Variants in GABRA1 observed in about 807,000 individuals in gnomAD.
GABRA1 encodes the protein gamma-aminobutyric acid type A receptor subunit alpha1, also known as gamma-aminobutyric acid receptor subunit alpha-1.
GABRA1 carries 9 observed loss-of-function variants against 48.9 expected under a neutral mutation model. The observed-to-expected ratio is 0.18, with a 90% confidence interval of 0.11 to 0.32. The LOEUF (loss-of-function observed/expected upper bound fraction) is 0.32. Among genes scored for constraint, GABRA1 ranks in the 10% least tolerant of loss-of-function variants. The pLI is 1.00. For missense variants in GABRA1, 285 were observed against 553.8 expected, an observed-to-expected ratio of 0.51 and a Z score of 4.87; for synonymous variants, 210 against 198.7, an observed-to-expected ratio of 1.06 and a Z score of -0.48.
chr5:161,854,461 C>T (rs1757570567), intron 3 of GABRA1, among the ~76,000 whole-genome samples, 191 bp downstream of exon 3: 1 of 151,668 alleles, frequency 6.6e-6, no homozygotes, highest in African/African-American at 2.4e-5. Context: ...TAGTAAAAGG[C>T]AGACACAAAC....
chr5:161,847,325 A>G (rs1212576718), upstream of GABRA1: 1 of 152,186 alleles, frequency 6.6e-6, no homozygotes, highest in Non-Finnish European at 1.5e-5. Flanking sequence ...GATTCCGGAA[A>G]TGGAGATATG....
intron 6 of GABRA1, among the ~76,000 whole-genome samples, chr5:161,878,108 C>A (rs1175626368): frequency 6.6e-6 from 1 of 152,168 alleles, no homozygotes; most frequent in Admixed American, 6.5e-5. Context: ...AGCACAAAGG[C>A]AAATACACTG....
intron 6 of GABRA1, chr5:161,882,347 A>G: frequency 1.7e-6 from 1 of 584,918 alleles, no homozygotes; most frequent in Non-Finnish European, 3.0e-6. Flanking sequence ...AGATCCTTAT[A>G]ACCATTTGTT....
At chr5:161,855,222 C>A (rs1196726413) in intron 3 of GABRA1, among the ~76,000 whole-genome samples, 1 of 151,458 alleles carries the variant, frequency 6.6e-6, no homozygotes, top group African/African-American at 2.4e-5. Context: ...CACAGATAAG[C>A]AAAGAATAAA....
At chr5:161,866,544 T>G (rs1289024620) in intron 4 of GABRA1, among the ~76,000 whole-genome samples, 1 of 152,126 alleles carries the variant, frequency 6.6e-6, no homozygotes, top group Non-Finnish European at 1.5e-5. Flanking sequence ...ATTTTTGAAA[T>G]GCCTCATGTT....
intron 2 of GABRA1, among the ~76,000 whole-genome samples, chr5:161,852,696 G>A (rs1345607390): frequency 6.6e-6 from 1 of 151,848 alleles, no homozygotes; most frequent in East Asian, 1.9e-4. Flanking sequence ...CCCTCAATCT[G>A]CATGGCATCA....
At chr5:161,855,466 A>C (rs1314576632) in intron 3 of GABRA1, among the ~76,000 whole-genome samples, 1 of 151,510 alleles carries the variant, frequency 6.6e-6, no homozygotes, top group Non-Finnish European at 1.5e-5. Flanking sequence ...AATTTCAAAC[A>C]TTCATTTTAG....
intron 8 of GABRA1, among the ~76,000 whole-genome samples, chr5:161,895,016 T>G (rs1293979679): frequency 6.6e-6 from 1 of 150,604 alleles, no homozygotes; most frequent in Non-Finnish European, 1.5e-5. Context: ...AAATGTATTA[T>G]TATATATATG....
chr5:161,897,180 C>G lies in GABRA1; in HGVS notation c.1129C>G (p.Pro377Ala). Residue 377 changes from proline (P) to alanine (A), a missense_variant, in exon 10 of 10, where the codon CCT becomes GCT. Pro to Ala is a conservative substitution (Grantham distance 27). Transcript: ENST00000393943. ...TYAPTATSYT[P>A]NLARGDPGLA... ...CGCTCCAACAGCAACCAGCTACACC[C>G]CTAATTTGGCCAGGGGCGACCCGGG... 2 of 1,614,070 alleles carry G rather than the reference C, an allele frequency of 1.2e-6. No individual in the cohort carries two copies. The highest frequency in any genetic ancestry group is 1.7e-6 in the Non-Finnish European group (2 of 1,179,998).
rs1342701816 is a variant in GABRA1, at chr5:161,897,991, A to G, written c.*569A>G. 6.8e-6 allele frequency: 1 copy of G among 147,924 alleles called. No individual in the cohort carries two copies. Among genetic ancestry groups the G allele is most frequent in the East Asian group, 1.9e-4 (1 of 5,144 alleles). The allele number at this position is 147,924 out of a possible 1,614,324, so 9.2% of individuals were successfully genotyped here. A position where few individuals can be genotyped will look rare whatever the true frequency, so the allele number is the denominator to read the frequency against. ...GAAGATCCCCATTCTTTCTCTTTGA[A>G]AAAAAAAAAGGCCTAATGCATTATT... On this transcript the variant is annotated 3_prime_UTR_variant, in exon 10 of 10. Transcript: ENST00000393943.
At chr5:161,889,409 G>A (rs962062740) in intron 7 of GABRA1, among the ~76,000 whole-genome samples, 5 of 151,872 alleles carry the variant, frequency 3.3e-5, no homozygotes, top group African/African-American at 4.8e-5. Context: ...AAAGCTACAC[G>A]GCAAGAAAAT....
At chr5:161,894,780 C>G (rs568583674) in intron 8 of GABRA1, among the ~76,000 whole-genome samples, 13 of 152,206 alleles carry the variant, frequency 8.5e-5, no homozygotes. Context: ...AGGGTATCAT[C>G]TTTCTCATAC....
chr5:161,851,965 G>A (rs1757462332), intron 2 of GABRA1, among the ~76,000 whole-genome samples: 1 of 152,060 alleles, frequency 6.6e-6, no homozygotes, highest in Non-Finnish European at 1.5e-5. Context: ...TAATGTAACT[G>A]GCATTTCTCT....
intron 8 of GABRA1, 68 bp from the exon 9 acceptor site, chr5:161,895,598 G>T: frequency 2.2e-6 from 3 of 1,351,138 alleles, no homozygotes; most frequent in Non-Finnish European, 3.1e-6. Flanking sequence ...GTTCAAGTAG[G>T]CTGTCCCATC....
chr5:161,890,767 T>G (rs1050070642), intron 7 of GABRA1, 131 bp from the exon 8 acceptor site: 1 of 829,244 alleles, frequency 1.2e-6, no homozygotes, highest in Non-Finnish European at 2.0e-6. Context: ...AACTTTTCCC[T>G]CCAAGAACTG....
In GABRA1 at chr5:161,895,595, T is replaced by C; in HGVS notation, c.857-71T>C. ...TACTGTTGATTTCCTTTTGTTCAAG[T>C]AGGCTGTCCCATCATGATGAAATTT... On this transcript the variant is annotated intron_variant, in intron 8 of 9. Transcript: ENST00000393943. The C allele has an allele frequency of 3.0e-6, 4 of 1,334,242 alleles. No individual in the cohort carries two copies. In the South Asian group the frequency reaches 4.8e-5, roughly 16 times the overall value. 82.7% of individuals were successfully genotyped at this position (1,334,242 alleles called of 1,614,324 possible).
rs1414103631 is a variant in GABRA1 at position 161,897,231 on chromosome 5, A to G, written c.1180A>G (p.Thr394Ala). Residue 394 changes from threonine (T) to alanine (A), a missense_variant, in exon 10 of 10, where the codon ACC becomes GCC. Thr to Ala is a moderately conservative substitution (Grantham distance 58). Transcript: ENST00000393943. ...CTTAGCCACCATTGCTAAAAGTGCA[A>G]CCATAGAACCTAAAGAGGTCAAGCC... The part of the protein sequence containing the change: ...PGLATIAKSA[T>A]IEPKEVKPET... 6 of 1,614,084 alleles carry G rather than the reference A, an allele frequency of 3.7e-6. No homozygotes were observed. Among genetic ancestry groups the G allele is most frequent in the Non-Finnish European group, 5.1e-6 (6 of 1,180,030 alleles).
At chr5:161,847,229 C>G (rs1419723170), upstream of GABRA1, 1 of 152,018 alleles carries the variant, frequency 6.6e-6, no homozygotes, top group South Asian at 2.1e-4. Flanking sequence ...AAAGTAGATG[C>G]GGATTTCGTC....
Position 161,853,252 on chromosome 5 carries a change from A to T in GABRA1, c.75-906A>T, listed in dbSNP as rs149083751. On this transcript the variant is annotated intron_variant, in intron 2 of 9. Coordinates refer to ENST00000393943, the MANE Select transcript of GABRA1 (RefSeq NM_001127644.2). ...AATACACAATTTTTGAACTGAGGTCACTATGTGGTCGAAACACAAAGACTA... is the reference window on the plus strand; with the variant it reads ...AATACACAATTTTTGAACTGAGGTCTCTATGTGGTCGAAACACAAAGACTA... Among the ~76,000 whole-genome samples the T allele has an allele frequency of 2.7e-4, 41 of 151,970 alleles. 1 individual carries two copies. The East Asian group carries it at 7.5e-3, about 28-fold the overall frequency.
Sources: allele counts gnomAD v4.1 joint callset (sites outside exome capture counted in the v4.1 genomes callset), GRCh38; gene constraint gnomAD v4.1.1; transcripts MANE v1.5; gene names NCBI Gene and HGNC (gene_info 2026-07-23, HGNC 2026-07-21).